Variants in CSMD1 observed in about 807,000 individuals in gnomAD.
The protein encoded by CSMD1 is CUB and sushi domain-containing protein 1.
CSMD1 carries 213 observed loss-of-function variants against 417.5 expected under a neutral mutation model. That is an observed-to-expected ratio of 0.51 (90% confidence interval 0.46 to 0.57). The LOEUF is 0.57. Ranked by LOEUF, CSMD1 falls within the 20% of genes least tolerant of loss-of-function variation. The probability of loss-of-function intolerance (pLI) is 0.00; values close to 1 mark genes in which losing one functional copy is unlikely to be tolerated. For missense variants in CSMD1, 6,923 were observed against 4,529.7 expected, an observed-to-expected ratio of 1.53 and a Z score of -15.17; for synonymous variants, 2,862 against 1,736.8, an observed-to-expected ratio of 1.65 and a Z score of -16.11.
chr8:3,752,676 CAAAAAAAAAAAAAAAAA>C (rs200769696), intron 6 of CSMD1, among the ~76,000 whole-genome samples: 49,080 of 98,318 alleles, frequency 0.5, 9,270 homozygotes, highest in Admixed American at 0.58. Flanking sequence ...CCCCGCCTGG[CAAAAAAAAAAAAAAAAA>C]AAAAAAAAAA....
At chr8:3,377,323 T>G (rs1222035850) in intron 18 of CSMD1, among the ~76,000 whole-genome samples, 2 of 152,166 alleles carry the variant, frequency 1.3e-5, no homozygotes, top group Non-Finnish European at 2.9e-5. Flanking sequence ...ATTAATAGAT[T>G]TTTACCACAA....
At chr8:4,829,553 G>A (rs754623050) in intron 1 of CSMD1, among the ~76,000 whole-genome samples, 2 of 152,014 alleles carry the variant, frequency 1.3e-5, no homozygotes, top group African/African-American at 2.4e-5. Flanking sequence ...AGCAGTCTGG[G>A]CAACATGGCA....
At chr8:3,895,897 C>T (rs1807324869) in intron 5 of CSMD1, among the ~76,000 whole-genome samples, 1 of 152,190 alleles carries the variant, frequency 6.6e-6, no homozygotes, top group South Asian at 2.1e-4. Context: ...CCCTGAAACT[C>T]TGTATGCACA....
chr8:3,943,998 T>G (rs759623745), intron 5 of CSMD1, among the ~76,000 whole-genome samples: 29 of 152,152 alleles, frequency 1.9e-4, no homozygotes, highest in Non-Finnish European at 3.7e-4. Flanking sequence ...AAATCAGAGT[T>G]AATATATTGA....
intron 11 of CSMD1, among the ~76,000 whole-genome samples, chr8:3,491,244 T>C (rs1818359786): frequency 6.6e-6 from 1 of 152,156 alleles, no homozygotes; most frequent in South Asian, 2.1e-4. Flanking sequence ...CAGTATCACA[T>C]CACTGAGTTG....
At chr8:4,953,206 T>C (rs1166411239) in intron 1 of CSMD1, among the ~76,000 whole-genome samples, 1 of 152,148 alleles carries the variant, frequency 6.6e-6, no homozygotes, top group Non-Finnish European at 1.5e-5. Flanking sequence ...AGGAAAATCT[T>C]TTATTTCCTA....
At chr8:3,680,619 C>T (rs962694885) in intron 7 of CSMD1, among the ~76,000 whole-genome samples, 2 of 152,300 alleles carry the variant, frequency 1.3e-5, no homozygotes, top group South Asian at 2.1e-4. Flanking sequence ...CAAAGAGGAG[C>T]AGGTACCATT....
chr8:3,921,653 T>A (rs1809274637), intron 5 of CSMD1, among the ~76,000 whole-genome samples: 1 of 152,188 alleles, frequency 6.6e-6, no homozygotes, highest in African/African-American at 2.4e-5. Context: ...CCCCATTAGT[T>A]GTTCAGGCGT....
chr8:4,012,267 C>T (rs954052554), intron 4 of CSMD1, among the ~76,000 whole-genome samples: 2 of 152,064 alleles, frequency 1.3e-5, no homozygotes, highest in African/African-American at 4.8e-5. Context: ...ATCTTATTGG[C>T]CAGTTCTTCT....
rs114491208 is a variant in CSMD1, at chr8:4,721,075, A to C, written c.86-83517T>G. On this transcript the variant is annotated intron_variant, in intron 1 of 69. Coordinates refer to ENST00000635120, the MANE Select transcript of CSMD1 (RefSeq NM_033225.6). ...TCTAATAATAAACCTCTCAAGAGTA[A>C]CATGAGGGTTAAGGAGGAAGTATGA... is the stretch of plus-strand genomic sequence containing the variant. Among the ~76,000 whole-genome samples, 1,161 of 152,324 alleles carry C rather than the reference A, an allele frequency of 7.6e-3. 8 individuals are homozygous for C. The highest frequency in any genetic ancestry group is 0.026 in the African/African-American group (1,070 of 41,570).
At chr8:4,842,968 C>T (rs1800927101) in intron 1 of CSMD1, among the ~76,000 whole-genome samples, 1 of 152,172 alleles carries the variant, frequency 6.6e-6, no homozygotes, top group South Asian at 2.1e-4. Context: ...TTCTCATTTC[C>T]TTTGTGTTCA....
rs758868605 is a variant in CSMD1 at position 3,406,138 on chromosome 8, C to T, written c.2155G>A (p.Val719Ile). 1.2e-6 allele frequency: 2 copies of T among 1,613,718 alleles called. No homozygotes were observed. Among genetic ancestry groups the T allele is most frequent in the East Asian group, 2.2e-5 (1 of 44,836 alleles). ...FGDRFLLGSS[V>I]SFHCDDGFVK... ...AAGCCATCATCACAGTGGAAAGAAA[C>T]CGAGCTCCCGAGTAGAAACCTGTCA... The change falls in exon 15 of 70, where the codon GTT becomes ATT. Residue 719 changes from valine (V) to isoleucine (I), a missense_variant. Transcript: ENST00000635120.
chr8:2,964,388 T>C (rs1277426569), intron 59 of CSMD1, among the ~76,000 whole-genome samples: 1 of 152,194 alleles, frequency 6.6e-6, no homozygotes, highest in Non-Finnish European at 1.5e-5. Context: ...AAATGCGTGT[T>C]CTGGCCCAAG....
chr8:3,715,491 G>A (rs1585122715), intron 6 of CSMD1, among the ~76,000 whole-genome samples: 1 of 152,064 alleles, frequency 6.6e-6, no homozygotes. Context: ...ATAAAAATGT[G>A]TTGTTCCATT....
At chr8:4,030,546 C>T (rs530484816) in intron 4 of CSMD1, among the ~76,000 whole-genome samples, 2 of 152,272 alleles carry the variant, frequency 1.3e-5, no homozygotes, top group African/African-American at 4.8e-5. Flanking sequence ...CATGGGGACC[C>T]TTGGCCCGGC....
intron 3 of CSMD1, among the ~76,000 whole-genome samples, chr8:4,082,257 C>A (rs888406991): frequency 6.6e-6 from 1 of 152,072 alleles, no homozygotes; most frequent in Admixed American, 6.5e-5. Flanking sequence ...AAAATTACAA[C>A]CTATTAAAAC....
intron 11 of CSMD1, among the ~76,000 whole-genome samples, chr8:3,479,042 G>T (rs969187271): frequency 1.3e-5 from 2 of 151,994 alleles, no homozygotes; most frequent in Non-Finnish European, 2.9e-5. Context: ...CCAAGCCTGG[G>T]AAATCCTTCT....
At position 3,970,668 on chromosome 8, in the gene CSMD1, T is replaced by A. The variant is rs2130075644; in HGVS notation, c.818+27235A>T. ...AGAAACATGAACATCAAGTAGCACG[T>A]GGAACCTCTAATAAAATGTATATTT... On this transcript the variant is annotated intron_variant, in intron 5 of 69. Transcript: ENST00000635120. 2.0e-5 allele frequency among the ~76,000 whole-genome samples: 3 copies of A among 152,324 alleles called. No individual in the cohort carries two copies. The Middle Eastern group carries it at 0.01, about 518-fold the overall frequency.
chr8:3,560,166 G>A (rs1799408778), intron 10 of CSMD1, among the ~76,000 whole-genome samples: 1 of 152,088 alleles, frequency 6.6e-6, no homozygotes, highest in Admixed American at 6.6e-5. Flanking sequence ...TCTCTGTAAG[G>A]CACAGGAAGA....
Sources: gnomAD v4.1 joint callset for allele counts (sites outside exome capture counted in the v4.1 genomes callset) on GRCh38, gnomAD v4.1.1 for gene constraint, MANE v1.5 for transcripts, NCBI Gene and HGNC (gene_info 2026-07-23, HGNC 2026-07-21) for gene names.